The following EPB41L4A variants were observed in gnomAD, a reference collection of about 807,000 sequenced individuals.
EPB41L4A encodes the protein erythrocyte membrane protein band 4.1 like 4A.
EPB41L4A carries 100 observed loss-of-function variants against 108.6 expected under a neutral mutation model. That is an observed-to-expected ratio of 0.92 (90% CI 0.78 to 1.09). The LOEUF is 1.09. EPB41L4A is among the 50% of genes least tolerant of loss of function. EPB41L4A has a pLI of 0.00. For synonymous variants in EPB41L4A, 319 were observed against 289.0 expected, an observed-to-expected ratio of 1.10 and a Z score of -1.05; for missense variants, 1,030 against 842.7, an observed-to-expected ratio of 1.22 and a Z score of -2.75.
At chr5:112,218,404 A>G (rs1747809112) in intron 12 of EPB41L4A, among the ~76,000 whole-genome samples, 1 of 152,194 alleles carries the variant, frequency 6.6e-6, no homozygotes, top group Admixed American at 6.5e-5. Flanking sequence ...GTTTGAGGGA[A>G]GAGAGTTGAG....
intron 2 of EPB41L4A, among the ~76,000 whole-genome samples, chr5:112,287,222 T>G (rs955290397): frequency 6.6e-6 from 1 of 152,210 alleles, no homozygotes; most frequent in Non-Finnish European, 1.5e-5. Flanking sequence ...AGATGCCTGT[T>G]AGAATCTCAA....
At chr5:112,159,069 T>C (rs1275506872), downstream of EPB41L4A, among the ~76,000 whole-genome samples, 3 of 152,240 alleles carry the variant, frequency 2.0e-5, no homozygotes, top group Non-Finnish European at 4.4e-5. Context: ...GTAATAATTA[T>C]ACATTTACTA....
At chr5:112,264,820 T>C in intron 6 of EPB41L4A, 76 bp downstream of exon 6, 1 of 1,442,650 alleles carries the variant, frequency 6.9e-7, no homozygotes, top group Admixed American at 2.1e-5. Flanking sequence ...TTTATCATTC[T>C]AGAAACTTTT....
chr5:112,395,399 A>AG (rs1480747587), intron 1 of EPB41L4A, among the ~76,000 whole-genome samples: 1 of 152,242 alleles, frequency 6.6e-6, no homozygotes, highest in African/African-American at 2.4e-5. Flanking sequence ...CAAATTTAGA[A>AG]GAAAAAACAA....
intron 17 of EPB41L4A, among the ~76,000 whole-genome samples, chr5:112,190,200 G>A (rs1346922530): frequency 1.3e-5 from 2 of 152,156 alleles, no homozygotes; most frequent in Non-Finnish European, 1.5e-5. Context: ...TCTAAAGAAA[G>A]TTTAGGCATT....
intron 16 of EPB41L4A, among the ~76,000 whole-genome samples, chr5:112,195,190 T>G (rs1332161400): frequency 1.3e-5 from 2 of 152,000 alleles, no homozygotes; most frequent in Non-Finnish European, 2.9e-5. Context: ...TCTACAGAAG[T>G]GTAAGCTAGC....
intron 12 of EPB41L4A, among the ~76,000 whole-genome samples, chr5:112,217,705 C>T (rs1432434882): frequency 6.6e-6 from 1 of 151,972 alleles, no homozygotes; most frequent in Non-Finnish European, 1.5e-5. Context: ...TCTTAAAACA[C>T]AAAAAATGTT....
intron 18 of EPB41L4A, among the ~76,000 whole-genome samples, chr5:112,179,223 G>T (rs1264952274): frequency 6.6e-6 from 1 of 151,986 alleles, no homozygotes; most frequent in Admixed American, 6.5e-5. Context: ...CTTCCACAAA[G>T]AACATTCCAG....
Position 112,163,143 on chromosome 5 carries a change from A to G in EPB41L4A, c.*1847T>C, listed in dbSNP as rs1165564302. ...TGAACTAGGTTGCTTATTGTTGTCTAGACAAGAGACCAGCTTGGACTAGTA... is the reference window on the plus strand; with the variant it reads ...TGAACTAGGTTGCTTATTGTTGTCTGGACAAGAGACCAGCTTGGACTAGTA... On this transcript the variant is annotated 3_prime_UTR_variant, in exon 23 of 23. Coordinates refer to ENST00000261486, the MANE Select transcript of EPB41L4A (RefSeq NM_022140.5). The G allele has an allele frequency of 2.0e-5, 3 of 152,228 alleles. No homozygotes were observed. The highest frequency in any genetic ancestry group is 4.4e-5 in the Non-Finnish European group (3 of 68,046). 9.4% of individuals were successfully genotyped at this position (152,228 alleles called of 1,614,324 possible).
At chr5:112,270,353 T>G (rs902417720) in intron 4 of EPB41L4A, among the ~76,000 whole-genome samples, 5 of 151,854 alleles carry the variant, frequency 3.3e-5, no homozygotes, top group African/African-American at 7.3e-5. Context: ...TAATAAGGAG[T>G]GTGATCGTTA....
chr5:112,227,475 C>T (rs922322260), intron 12 of EPB41L4A, among the ~76,000 whole-genome samples: 1 of 152,192 alleles, frequency 6.6e-6, no homozygotes, highest in Non-Finnish European at 1.5e-5. Context: ...ATTTCAGACA[C>T]ATCCCCATGA....
At chr5:112,316,919 A>T (rs1320987234) in intron 1 of EPB41L4A, among the ~76,000 whole-genome samples, 2 of 152,200 alleles carry the variant, frequency 1.3e-5, no homozygotes, top group East Asian at 3.8e-4. Context: ...TAAGCAAGGT[A>T]ATCTGACTTC....
intron 2 of EPB41L4A, among the ~76,000 whole-genome samples, chr5:112,299,727 T>C (rs1754233363): frequency 1.3e-5 from 2 of 152,230 alleles, no homozygotes; most frequent in African/African-American, 4.8e-5. Context: ...CTTCCTATCT[T>C]GATGACCTGT....
At chr5:112,161,523 TGTG>T (rs771198389), downstream of EPB41L4A, 4 of 519,120 alleles carry the variant, frequency 7.7e-6, no homozygotes, top group African/African-American at 1.9e-5. Context: ...AACTAGTGAA[TGTG>T]GTGTCAAAAA....
At chr5:112,208,043 G>A (rs894735504) in intron 13 of EPB41L4A, among the ~76,000 whole-genome samples, 3 of 152,040 alleles carry the variant, frequency 2.0e-5, no homozygotes, top group African/African-American at 4.8e-5. Context: ...GTCAAGAGAT[G>A]CAGACCATCC....
At chr5:112,390,665 T>C (rs966327921) in intron 1 of EPB41L4A, among the ~76,000 whole-genome samples, 3 of 152,150 alleles carry the variant, frequency 2.0e-5, no homozygotes, top group East Asian at 1.9e-4. Context: ...GATTTAAACA[T>C]ACCTGTCTGA....
chr5:112,414,708 A>T (rs1185703131), intron 1 of EPB41L4A, among the ~76,000 whole-genome samples: 1 of 152,254 alleles, frequency 6.6e-6, no homozygotes, highest in African/African-American at 2.4e-5. Flanking sequence ...AACAGTTATT[A>T]AATCACATTC....
intron 1 of EPB41L4A, among the ~76,000 whole-genome samples, chr5:112,392,976 G>A (rs1483631401): frequency 3.3e-5 from 5 of 152,156 alleles, no homozygotes; most frequent in Non-Finnish European, 7.3e-5. Context: ...TGAACAACCT[G>A]CTCCTGAATC....
At chr5:112,239,906 A>C (rs1749652632) in intron 10 of EPB41L4A, among the ~76,000 whole-genome samples, 169 bp from the exon 11 acceptor site, 1 of 152,246 alleles carries the variant, frequency 6.6e-6, no homozygotes, top group South Asian at 2.1e-4. Context: ...GAAGAACTCA[A>C]TTTTGTTTCC....
Sources: allele counts gnomAD v4.1 joint callset (sites outside exome capture counted in the v4.1 genomes callset), GRCh38; gene constraint gnomAD v4.1.1; transcripts MANE v1.5; gene names NCBI Gene and HGNC (gene_info 2026-07-23, HGNC 2026-07-21).